MYEF2: variants seen among roughly 807,000 people sequenced by gnomAD.
MYEF2 encodes myelin gene expression factor 2.
MYEF2 carries 37 observed loss-of-function variants against 75.2 expected under a neutral mutation model. The observed-to-expected ratio is 0.49, with a 90% CI of 0.38 to 0.65. The LOEUF (loss-of-function observed/expected upper bound fraction) is 0.65. MYEF2 is among the 30% of genes least tolerant of loss of function. The pLI is 0.00. For synonymous variants in MYEF2, 195 were observed against 241.6 expected, an observed-to-expected ratio of 0.81 and a Z score of 1.79; for missense variants, 634 against 771.4, an observed-to-expected ratio of 0.82 and a Z score of 2.11.
rs2140739700 is a variant in MYEF2, at chr15:48,136,528, T to C, written c.*6380A>G. ...TAAACATAATAATGCTGTAATCAAG[T>C]CTGGACAAATCTACAAAACAAAAAA... On this transcript the variant is annotated 3_prime_UTR_variant, in exon 17 of 17. Transcript: ENST00000324324. The C allele has an allele frequency of 1.5e-6, 1 of 646,292 alleles. No homozygotes were observed. Among genetic ancestry groups the C allele is most frequent in the East Asian group, 2.8e-5 (1 of 35,438 alleles). 40.0% of individuals were successfully genotyped at this position (646,292 alleles called of 1,614,324 possible).
At position 48,143,040 on chromosome 15, in the gene MYEF2, C is replaced by A; in HGVS notation, c.1671G>T (p.Glu557Asp). Residue 557 changes from glutamate to aspartate, a missense_variant, in exon 17 of 17, where the codon GAG becomes GAT. Glu to Asp is a conservative substitution (Grantham distance 45). Coordinates refer to ENST00000324324, the MANE Select transcript of MYEF2 (RefSeq NM_016132.5). ...GHVMFAEIKMENGKSKGCGTV... is the reference protein window; with the variant it reads ...GHVMFAEIKMDNGKSKGCGTV... Reference sequence around the variant, plus strand: ...TTCCACAGCCTTTTGACTTTCCATTCTCCATTTTTATTTCTGCAAACATTA... The same window carrying A: ...TTCCACAGCCTTTTGACTTTCCATTATCCATTTTTATTTCTGCAAACATTA... 5.7e-6 allele frequency: 9 copies of A among 1,575,368 alleles called. No individual in the cohort carries two copies. The highest frequency in any genetic ancestry group is 7.7e-6 in the Non-Finnish European group (9 of 1,164,326).
At position 48,166,133 on chromosome 15, in the gene MYEF2, A is replaced by G; in HGVS notation, c.424-5T>C. 2 of 1,566,492 alleles carry G rather than the reference A, an allele frequency of 1.3e-6. No individual in the cohort carries two copies. The highest frequency in any genetic ancestry group is 1.9e-5 in the Admixed American group (1 of 53,658). ...AAAAATTTCTTACCCACAACCCTAT[A>G]TCCAGGTAGATTTGTCAAAATATGC... On this transcript the variant is annotated splice_region_variant and splice_polypyrimidine_tract_variant and intron_variant, in intron 3 of 16. Coordinates refer to ENST00000324324, the MANE Select transcript of MYEF2 (RefSeq NM_016132.5).
intron 7 of MYEF2, 146 bp from the exon 8 acceptor site, chr15:48,158,370 C>T: frequency 1.3e-5 from 9 of 682,878 alleles, no homozygotes; most frequent in Non-Finnish European, 1.9e-5. Context: ...CTTTCATATA[C>T]TCAAAAAAAT....
chr15:48,175,824 T>A (rs964432740), intron 1 of MYEF2, among the ~76,000 whole-genome samples: 5 of 152,172 alleles, frequency 3.3e-5, no homozygotes, highest in African/African-American at 7.2e-5. Context: ...AGAGCTAGTA[T>A]ACCATTTGGC....
chr15:48,139,104 T>C lies in MYEF2; in HGVS notation c.*3804A>G, dbSNP rs1194983036. ...AAGTTTTGGAAAAACTACTTTGTGA[T>C]AACCTTTTTCATGTCTGCAATATGG... On this transcript the variant is annotated 3_prime_UTR_variant, in exon 17 of 17. Transcript: ENST00000324324. 1.2e-6 allele frequency: 2 copies of C among 1,613,106 alleles called. No individual in the cohort carries two copies. Among genetic ancestry groups the C allele is most frequent in the African/African-American group, 2.7e-5 (2 of 74,912 alleles).
At chr15:48,157,018 A>G (rs2039723817) in intron 9 of MYEF2, 1 of 152,144 alleles carries the variant, frequency 6.6e-6, no homozygotes. Context: ...AAAGAAAAAA[A>G]TCTACAACAA....
chr15:48,145,427 C>G (rs2039245730), intron 16 of MYEF2, among the ~76,000 whole-genome samples: 1 of 151,816 alleles, frequency 6.6e-6, no homozygotes, highest in Non-Finnish European at 1.5e-5. Flanking sequence ...AGTTAAATAT[C>G]TAATAATCTT....
intron 16 of MYEF2, 37 bp downstream of exon 16, chr15:48,148,995 T>A (rs1413329014): frequency 1.9e-6 from 3 of 1,606,756 alleles, no homozygotes; most frequent in East Asian, 2.2e-5. Context: ...TCCTCCATAA[T>A]CAATATCAAC....
At chr15:48,153,916 C>A in intron 9 of MYEF2, 23 bp from the exon 10 acceptor site, 2 of 1,593,078 alleles carry the variant, frequency 1.3e-6, no homozygotes, top group Non-Finnish European at 1.7e-6. Flanking sequence ...TGAGAACAAT[C>A]ATTACAAAGA....
intron 5 of MYEF2, among the ~76,000 whole-genome samples, chr15:48,163,953 A>T (rs1319463021): frequency 6.6e-6 from 1 of 152,206 alleles, no homozygotes; most frequent in Non-Finnish European, 1.5e-5. Flanking sequence ...GTCACCCAAG[A>T]GTGCTAAAGA....
chr15:48,147,470 C>A (rs1009792535), intron 16 of MYEF2, among the ~76,000 whole-genome samples: 1 of 151,784 alleles, frequency 6.6e-6, no homozygotes, highest in East Asian at 1.9e-4. Context: ...TAAATCAACA[C>A]AGATTATACT....
At chr15:48,161,501 C>A (rs1022292479) in intron 5 of MYEF2, among the ~76,000 whole-genome samples, 1 of 151,668 alleles carries the variant, frequency 6.6e-6, no homozygotes, top group Non-Finnish European at 1.5e-5. Flanking sequence ...CTGAATAAAT[C>A]CCTCATCATT....
chr15:48,159,501 CACTT>C (rs1327273453), intron 6 of MYEF2, 108 bp downstream of exon 6: 11 of 863,500 alleles, frequency 1.3e-5, no homozygotes, highest in African/African-American at 5.2e-5. Context: ...ATTACTATTT[CACTT>C]ACTTTAGTTA....
intron 5 of MYEF2, 30 bp downstream of exon 5, chr15:48,165,903 T>C (rs747121905): frequency 2.1e-6 from 3 of 1,414,252 alleles, no homozygotes; most frequent in South Asian, 1.3e-5. Context: ...TATAGTCAAA[T>C]GTTTAAATTC....
intron 5 of MYEF2, chr15:48,162,569 C>T (rs2039980356): frequency 6.6e-6 from 1 of 152,140 alleles, no homozygotes; most frequent in African/African-American, 2.4e-5. Flanking sequence ...TTTTATTGTG[C>T]TTCACTTTAC....
chr15:48,165,145 C>T (rs1353851717), intron 5 of MYEF2, among the ~76,000 whole-genome samples: 1 of 152,058 alleles, frequency 6.6e-6, no homozygotes, highest in Non-Finnish European at 1.5e-5. Flanking sequence ...GCTCTACAAC[C>T]AATGATTAGC....
chr15:48,149,555 C>T lies in MYEF2; in HGVS notation c.1379-184G>A. ...CATAAAATTATTTTCATACAGATAA[C>T]AACTTTCCAAAGAACAGAATTTGCT... On this transcript the variant is annotated intron_variant, in intron 14 of 16. Coordinates refer to ENST00000324324, the MANE Select transcript of MYEF2 (RefSeq NM_016132.5). This position sits in a 1 kb window ranked among gnomAD's most constrained non-coding sequence, Gnocchi z 4.0. The T allele has an allele frequency of 2.4e-6, 1 of 413,926 alleles. No individual in the cohort carries two copies. The highest frequency in any genetic ancestry group is 4.1e-6 in the Non-Finnish European group (1 of 241,940). The allele number at this position is 413,926 out of a possible 1,614,324, so 25.6% of individuals were successfully genotyped here. A position where few individuals can be genotyped will look rare whatever the true frequency, so the allele number is the denominator to read the frequency against.
chr15:48,157,918 A>G, intron 9 of MYEF2, 75 bp downstream of exon 9: 1 of 1,580,322 alleles, frequency 6.3e-7, no homozygotes, highest in Non-Finnish European at 8.6e-7. Flanking sequence ...AGGCACAAAA[A>G]CAAAGTGTTG....
chr15:48,169,402 A>T (rs1215055090), intron 1 of MYEF2, among the ~76,000 whole-genome samples: 2 of 152,156 alleles, frequency 1.3e-5, no homozygotes, highest in Non-Finnish European at 2.9e-5. Context: ...TAAGACTCTC[A>T]AACTTTCTTC....
Sources: gnomAD v4.1 joint callset for allele counts (sites outside exome capture counted in the v4.1 genomes callset) on GRCh38, gnomAD v4.1.1 for gene constraint, Gnocchi (gnomAD v3.1) non-coding constraint, MANE v1.5 for transcripts, NCBI Gene and HGNC (gene_info 2026-07-23, HGNC 2026-07-21) for gene names.